ZNF217: variants seen among roughly 807,000 people sequenced by gnomAD.
The protein encoded by ZNF217 is zinc finger protein 217.
Under a neutral mutation model 73.3 loss-of-function variants are expected in ZNF217, and 12 were observed. The ratio of observed to expected loss-of-function variants is 0.16; its 90% CI spans 0.10 to 0.27. The LOEUF is 0.27. Ranked by LOEUF, ZNF217 falls within the 10% of genes least tolerant of loss-of-function variation. The pLI is 1.00. For missense variants in ZNF217, 1,195 were observed against 1,327.8 expected (o/e 0.90, Z 1.55); for synonymous variants, 588 against 516.4 (o/e 1.14, Z -1.88).
chr20:53,593,326 G>A (rs1291675008), intron 1 of ZNF217, among the ~76,000 whole-genome samples: 4 of 152,134 alleles, frequency 2.6e-5, no homozygotes, highest in African/African-American at 7.2e-5. Context: ...GCATCGCGGG[G>A]GGACCCTACG....
intron 1 of ZNF217, among the ~76,000 whole-genome samples, chr20:53,592,490 G>A (rs1235239041): frequency 2.0e-5 from 3 of 151,958 alleles, no homozygotes; most frequent in African/African-American, 7.3e-5. Context: ...TAAACCTGGC[G>A]GAAAACTCCC....
chr20:53,571,409 C>A (rs1354998510), intron 5 of ZNF217, among the ~76,000 whole-genome samples: 1 of 116,658 alleles, frequency 8.6e-6, no homozygotes, highest in Admixed American at 9.6e-5. Context: ...CGCCCCCGCC[C>A]CCCCTTTTTT....
At chr20:53,586,854 C>T (rs1434066394) in intron 1 of ZNF217, among the ~76,000 whole-genome samples, 5 of 152,128 alleles carry the variant, frequency 3.3e-5, no homozygotes, top group African/African-American at 4.8e-5. Flanking sequence ...AGCAGTAAAC[C>T]GATGGCACTG....
intron 1 of ZNF217, among the ~76,000 whole-genome samples, chr20:53,590,386 T>C (rs1327811200): frequency 6.6e-6 from 1 of 152,186 alleles, no homozygotes; most frequent in Non-Finnish European, 1.5e-5. Flanking sequence ...ACAGGCCATA[T>C]GGGCATACAG....
At chr20:53,574,127 A>C (rs1452654185) in intron 4 of ZNF217, among the ~76,000 whole-genome samples, 1 of 152,166 alleles carries the variant, frequency 6.6e-6, no homozygotes, top group Non-Finnish European at 1.5e-5. Context: ...AGTAAATGCT[A>C]TGTAAATAGT....
chr20:53,581,306 T>G lies in ZNF217; in HGVS notation c.1366+155A>C, dbSNP rs1314358511. Among the ~76,000 whole-genome samples, 1 of 152,072 alleles carries G rather than the reference T, an allele frequency of 6.6e-6. No individual in the cohort carries two copies. The highest frequency in any genetic ancestry group is 2.1e-4 in the South Asian group (1 of 4,810). The stretch of plus-strand genomic sequence containing the variant: ...TAAGGCCCTGAGAGGTTAAATGACT[T>G]ACACAGAGTGATACCAAAAAGAGCC... On this transcript the variant is annotated intron_variant, in intron 2 of 5. Coordinates refer to ENST00000371471, the MANE Select transcript of ZNF217 (RefSeq NM_006526.3). The surrounding 1 kb of genome is among the most constrained non-coding windows in gnomAD (Gnocchi z 4.9).
intron 5 of ZNF217, 87 bp downstream of exon 5, chr20:53,571,634 C>T (rs2145922312): frequency 1.4e-6 from 2 of 1,440,764 alleles, no homozygotes; most frequent in Non-Finnish European, 9.1e-7. Context: ...CTCAAATGCT[C>T]GATCTCAGGT....
At chr20:53,569,852 C>T (rs1987916938) in intron 5 of ZNF217, among the ~76,000 whole-genome samples, 1 of 152,134 alleles carries the variant, frequency 6.6e-6, no homozygotes, top group Admixed American at 6.6e-5. Flanking sequence ...CCCAGCTACT[C>T]AGGAGGCTGT....
intron 1 of ZNF217, among the ~76,000 whole-genome samples, chr20:53,591,454 CA>C (rs2145981809): frequency 6.6e-6 from 1 of 152,170 alleles, no homozygotes; most frequent in East Asian, 1.9e-4. Flanking sequence ...CCTATTCTAA[CA>C]ATTAAAATAA....
chr20:53,596,731 C>G (rs945748767), upstream of ZNF217, among the ~76,000 whole-genome samples: 1 of 151,974 alleles, frequency 6.6e-6, no homozygotes, highest in Non-Finnish European at 1.5e-5. Flanking sequence ...ACAAGAAATC[C>G]AGCTTCGCCA....
At chr20:53,586,682 G>A (rs547340352) in intron 1 of ZNF217, among the ~76,000 whole-genome samples, 2 of 152,296 alleles carry the variant, frequency 1.3e-5, no homozygotes, top group African/African-American at 2.4e-5. Context: ...ATCAGTAATC[G>A]TTAAAGTGGT....
At chr20:53,592,784 G>A (rs890998598) in intron 1 of ZNF217, among the ~76,000 whole-genome samples, 3 of 149,938 alleles carry the variant, frequency 2.0e-5, no homozygotes, top group African/African-American at 7.4e-5. Context: ...AGAGGGCTGT[G>A]CCTGAAACTG....
Position 53,582,842 on chromosome 20 carries a change from C to T in ZNF217, c.-16G>A, listed in dbSNP as rs1348751677. On this transcript the variant is annotated 5_prime_UTR_variant, in exon 2 of 6. Coordinates refer to ENST00000371471, the MANE Select transcript of ZNF217 (RefSeq NM_006526.3). The surrounding 1 kb of genome is among the most constrained non-coding windows in gnomAD (Gnocchi z 4.8). ...TCGATTGCATATAATCTCAAAGTTC[C>T]GTTGGGCAATTTCTGGAGTTGGAAT... The T allele has an allele frequency of 1.3e-6, 2 of 1,573,354 alleles. No homozygotes were observed. Among genetic ancestry groups the T allele is most frequent in the African/African-American group, 1.4e-5 (1 of 73,938 alleles).
At position 53,581,201 on chromosome 20, in the gene ZNF217, A is replaced by G. The variant is rs1449231078; in HGVS notation, c.1366+260T>C. On this transcript the variant is annotated intron_variant, in intron 2 of 5. Coordinates refer to ENST00000371471, the MANE Select transcript of ZNF217 (RefSeq NM_006526.3). The surrounding 1 kb of genome is among the most constrained non-coding windows in gnomAD (Gnocchi z 4.9). ...AAGTGTGTTTTGTGAGCAAAACGAT[A>G]CACGTTTAAAAAATATATATATATT... Among the ~76,000 whole-genome samples, 1 of 152,116 alleles carries G rather than the reference A, an allele frequency of 6.6e-6. No individual in the cohort carries two copies. Among genetic ancestry groups the G allele is most frequent in the Non-Finnish European group, 1.5e-5 (1 of 68,002 alleles).
rs1267642160 is a variant in ZNF217, at chr20:53,593,750, C to G, written c.-343+6G>C. The stretch of plus-strand genomic sequence containing the variant: ...CTGGCGCGGGCGGGGGGCGCGCCCC[C>G]TTTACCTGCGGCTCCGGCTCCTCGG... On this transcript the variant is annotated splice_donor_region_variant and intron_variant, in intron 1 of 5. Coordinates refer to ENST00000371471, the MANE Select transcript of ZNF217 (RefSeq NM_006526.3). The G allele has an allele frequency of 1.3e-5, 2 of 151,002 alleles. No individual in the cohort carries two copies. Among genetic ancestry groups the G allele is most frequent in the Non-Finnish European group, 3.0e-5 (2 of 67,698 alleles). 9.4% of individuals were successfully genotyped at this position (151,002 alleles called of 1,614,324 possible).
Position 53,579,139 on chromosome 20 carries a change from C to T in ZNF217, c.1367-689G>A, listed in dbSNP as rs187555698. 1.1e-4 allele frequency among the ~76,000 whole-genome samples: 16 copies of T among 152,302 alleles called. No homozygotes were observed. In the East Asian group the frequency reaches 3.1e-3, roughly 29 times the overall value. ...TGACAGTGTTTGGCTTTAGTTTCTG[C>T]AGGACAATAGGACAATGTGTCTCAC... On this transcript the variant is annotated intron_variant, in intron 2 of 5. Coordinates refer to ENST00000371471, the MANE Select transcript of ZNF217 (RefSeq NM_006526.3).
chr20:53,586,356 G>A (rs1304707726), intron 1 of ZNF217, among the ~76,000 whole-genome samples: 35 of 152,056 alleles, frequency 2.3e-4, no homozygotes, highest in Non-Finnish European at 1.5e-5. Context: ...ATGGCTATCA[G>A]CGACTGCCAT....
intron 1 of ZNF217, among the ~76,000 whole-genome samples, chr20:53,587,001 C>T (rs1210642739): frequency 6.6e-6 from 1 of 152,234 alleles, no homozygotes; most frequent in Non-Finnish European, 1.5e-5. Context: ...CTGAAAAGTA[C>T]TTCACAAAAA....
At chr20:53,585,757 C>G (rs969001508) in intron 1 of ZNF217, among the ~76,000 whole-genome samples, 3 of 152,148 alleles carry the variant, frequency 2.0e-5, no homozygotes, top group African/African-American at 7.2e-5. Context: ...GGGAAACGAT[C>G]TTAGGACAGA....
Sources: gnomAD v4.1 joint callset for allele counts (sites outside exome capture counted in the v4.1 genomes callset) on GRCh38, gnomAD v4.1.1 for gene constraint, Gnocchi (gnomAD v3.1) non-coding constraint, MANE v1.5 for transcripts, NCBI Gene and HGNC (gene_info 2026-07-23, HGNC 2026-07-21) for gene names.